SLC44A3: variants seen among roughly 807,000 people sequenced by gnomAD.
SLC44A3 encodes the protein choline transporter-like protein 3.
Under a neutral mutation model 75.4 loss-of-function variants are expected in SLC44A3, and 74 were observed. The ratio of observed to expected loss-of-function variants is 0.98; its 90% confidence interval spans 0.81 to 1.19. The LOEUF is 1.19. SLC44A3 is among the 50% of genes most tolerant of loss of function. SLC44A3 has a pLI of 0.00. For synonymous variants in SLC44A3, 310 were observed against 296.9 expected (o/e 1.04, Z -0.45); for missense variants, 700 against 778.6 (o/e 0.90, Z 1.20).
chr1:94,885,734 A>G (rs749487848), intron 12 of SLC44A3, among the ~76,000 whole-genome samples: 2 of 152,194 alleles, frequency 1.3e-5, no homozygotes, highest in Non-Finnish European at 2.9e-5. Flanking sequence ...TTCCTTAACT[A>G]CCTCATCGGG....
At position 94,867,422 on chromosome 1, in the gene SLC44A3, G is replaced by A. The variant is rs1380898176; in HGVS notation, c.1482+5G>A. On this transcript the variant is annotated splice_donor_5th_base_variant and intron_variant, in intron 12 of 14. Transcript: ENST00000271227. ...TACCTGCTCCATCTCAACCAGGTAC[G>A]TCTCTACCTCTTGCCTCAGGAACAC... 16 of 1,599,872 alleles carry A rather than the reference G, an allele frequency of 1.0e-5. No individual in the cohort carries two copies. The highest frequency in any genetic ancestry group is 1.2e-5 in the Non-Finnish European group (14 of 1,171,850).
chr1:94,851,558 T>C (rs1469073586), intron 9 of SLC44A3, among the ~76,000 whole-genome samples: 1 of 152,224 alleles, frequency 6.6e-6, no homozygotes, highest in Non-Finnish European at 1.5e-5. Context: ...CCTACCTGAA[T>C]GGATTCAGTT....
intron 9 of SLC44A3, among the ~76,000 whole-genome samples, chr1:94,853,493 T>G (rs1320240982): frequency 6.6e-6 from 1 of 152,064 alleles, no homozygotes; most frequent in African/African-American, 2.4e-5. Context: ...AAGATTTTGA[T>G]GAAGAGGGTG....
intron 8 of SLC44A3, among the ~76,000 whole-genome samples, chr1:94,844,334 C>G (rs967839975): frequency 3.3e-5 from 5 of 152,118 alleles, no homozygotes. Context: ...CATCCACGGC[C>G]TTGTCAATAA....
At chr1:94,832,671 A>G (rs1042865610) in intron 5 of SLC44A3, among the ~76,000 whole-genome samples, 1 of 152,214 alleles carries the variant, frequency 6.6e-6, no homozygotes, top group Non-Finnish European at 1.5e-5. Flanking sequence ...TTTCAATTCA[A>G]TAATTAAAAT....
intron 9 of SLC44A3, among the ~76,000 whole-genome samples, chr1:94,846,997 C>T (rs1664486921): frequency 6.6e-6 from 1 of 152,234 alleles, no homozygotes; most frequent in Non-Finnish European, 1.5e-5. Context: ...TATGTTTCCA[C>T]CTTCAGAGGT....
intron 12 of SLC44A3, among the ~76,000 whole-genome samples, chr1:94,872,309 T>C (rs1667845167): frequency 6.6e-6 from 1 of 152,098 alleles, no homozygotes; most frequent in Admixed American, 6.6e-5. Flanking sequence ...CCATGTTGGC[T>C]GGTCTCGAAC....
chr1:94,842,203 A>C, intron 8 of SLC44A3, 79 bp downstream of exon 8: 1 of 1,477,306 alleles, frequency 6.8e-7, no homozygotes, highest in East Asian at 2.5e-5. Flanking sequence ...CTAGCCAAAA[A>C]CAACTATAAT....
intron 12 of SLC44A3, among the ~76,000 whole-genome samples, chr1:94,871,254 G>A (rs145692682): frequency 8.5e-5 from 13 of 152,296 alleles, no homozygotes; most frequent in African/African-American, 2.6e-4. Flanking sequence ...AAAGGTGAAG[G>A]AGCAATGAAG....
At chr1:94,866,814 G>A (rs886759120) in intron 11 of SLC44A3, among the ~76,000 whole-genome samples, 3 of 152,170 alleles carry the variant, frequency 2.0e-5, no homozygotes, top group African/African-American at 4.8e-5. Flanking sequence ...TTTCAAAGGA[G>A]TAATTTATCC....
chr1:94,845,151 A>T, intron 8 of SLC44A3, 127 bp from the exon 9 acceptor site: 1 of 994,370 alleles, frequency 1.0e-6, no homozygotes, highest in Non-Finnish European at 1.5e-6. Flanking sequence ...AAATTATAAC[A>T]AAGTAGTGAG....
At chr1:94,877,795 A>C (rs994905184) in intron 12 of SLC44A3, among the ~76,000 whole-genome samples, 1 of 152,178 alleles carries the variant, frequency 6.6e-6, no homozygotes, top group Admixed American at 6.5e-5. Context: ...GGTGGGGTAG[A>C]GAGAGCATTT....
At chr1:94,872,082 G>A (rs898316317) in intron 12 of SLC44A3, among the ~76,000 whole-genome samples, 1 of 152,114 alleles carries the variant, frequency 6.6e-6, no homozygotes, top group Non-Finnish European at 1.5e-5. Flanking sequence ...TACTTCTGTT[G>A]AGTATTCCAT....
intron 12 of SLC44A3, among the ~76,000 whole-genome samples, chr1:94,882,922 A>ATC (rs778627802): frequency 4.1e-5 from 6 of 147,646 alleles, no homozygotes; most frequent in Non-Finnish European, 8.9e-5. Flanking sequence ...TTTTAATCCA[A>ATC]CCATTCTGCT....
intron 5 of SLC44A3, among the ~76,000 whole-genome samples, chr1:94,834,491 T>C (rs1384277050): frequency 6.6e-6 from 1 of 152,154 alleles, no homozygotes; most frequent in Admixed American, 6.5e-5. Flanking sequence ...TAAATCCTTT[T>C]TTTCTTTTTT....
At chr1:94,848,219 ACT>A (rs374176795) in intron 9 of SLC44A3, among the ~76,000 whole-genome samples, 4,863 of 120,960 alleles carry the variant, frequency 0.04, 126 homozygotes, top group Middle Eastern at 0.071. Flanking sequence ...ACAGAGTGAG[ACT>A]CTGTCTCAAA....
chr1:94,879,539 GA>G (rs34622297), intron 12 of SLC44A3, among the ~76,000 whole-genome samples: 42,218 of 119,576 alleles, frequency 0.35, 6,549 homozygotes, highest in African/African-American at 0.43. Context: ...CTCAAAAAAA[GA>G]AAAAAAAAAA....
intron 8 of SLC44A3, among the ~76,000 whole-genome samples, chr1:94,844,174 G>T (rs1281590190): frequency 6.6e-6 from 1 of 152,184 alleles, no homozygotes; most frequent in Non-Finnish European, 1.5e-5. Context: ...GGAATAAAAT[G>T]GGAGCACACA....
intron 11 of SLC44A3, among the ~76,000 whole-genome samples, chr1:94,865,231 GT>G (rs1422258834): frequency 1.3e-5 from 2 of 151,896 alleles, no homozygotes; most frequent in Admixed American, 6.6e-5. Context: ...ATTTAAACAA[GT>G]TTTTTTGTGA....
Sources: allele counts gnomAD v4.1 joint callset (sites outside exome capture counted in the v4.1 genomes callset), GRCh38; gene constraint gnomAD v4.1.1; transcripts MANE v1.5; gene names NCBI Gene and HGNC (gene_info 2026-07-23, HGNC 2026-07-21).